Variants in GABRB1 observed in about 807,000 individuals in gnomAD.
GABRB1 encodes gamma-aminobutyric acid receptor subunit beta-1.
GABRB1 carries 17 observed loss-of-function variants against 51.6 expected under a neutral mutation model. The observed-to-expected ratio is 0.33, with a 90% confidence interval of 0.23 to 0.49. The LOEUF is 0.49. GABRB1 is among the 20% of genes least tolerant of loss of function. The pLI is 0.99. For synonymous variants in GABRB1, 247 were observed against 218.9 expected, an observed-to-expected ratio of 1.13 and a Z score of -1.14; for missense variants, 410 against 600.6, an observed-to-expected ratio of 0.68 and a Z score of 3.32.
At chr4:47,374,475 T>A (rs1378282550) in intron 5 of GABRB1, among the ~76,000 whole-genome samples, 2 of 152,242 alleles carry the variant, frequency 1.3e-5, no homozygotes, top group South Asian at 2.1e-4. Context: ...AAACTGTTCT[T>A]GGGCCCATGA....
chr4:47,317,380 G>T (rs1224045225), intron 4 of GABRB1, among the ~76,000 whole-genome samples: 3 of 152,000 alleles, frequency 2.0e-5, no homozygotes, highest in South Asian at 4.1e-4. Context: ...TGGTAAAAGA[G>T]TATAGCAGAC....
intron 4 of GABRB1, among the ~76,000 whole-genome samples, chr4:47,283,486 C>T (rs1723378246): frequency 1.4e-5 from 2 of 146,488 alleles, no homozygotes; most frequent in Non-Finnish European, 3.0e-5. Flanking sequence ...CCCAGGTTCA[C>T]CCCATTCTCC....
At position 47,403,705 on chromosome 4, in the gene GABRB1, G is replaced by A. The variant is rs1448346225; in HGVS notation, c.829G>A (p.Ala277Thr). ...INYDASAARV[A>T]LGITTVLTMT... ...CTATGATGCATCTGCAGCCAGAGTCGCACTAGGTAATACATTCTCAGCACT... is the reference window on the plus strand; with the variant it reads ...CTATGATGCATCTGCAGCCAGAGTCACACTAGGTAATACATTCTCAGCACT... The change falls in exon 7 of 9, where the codon GCA becomes ACA. Residue 277 changes from alanine (A) to threonine (T), a missense_variant. Physicochemically the swap from Ala to Thr is moderately conservative, Grantham distance 58 (BLOSUM62 0). Transcript: ENST00000295454. 5 of 1,612,038 alleles carry A rather than the reference G, an allele frequency of 3.1e-6. No homozygotes were observed. Among genetic ancestry groups the A allele is most frequent in the Non-Finnish European group, 4.2e-6 (5 of 1,179,814 alleles).
rs572095312 is a variant in GABRB1, at chr4:47,016,348, T to C, written c.-19-15566T>C. 2.0e-3 allele frequency among the ~76,000 whole-genome samples: 301 copies of C among 152,302 alleles called. 2 individuals are homozygous for C. Among genetic ancestry groups the C allele is most frequent in the Non-Finnish European group, 3.2e-3 (217 of 68,018 alleles). ...CTGAATAAAAAAGCCAATTCTATTA[T>C]CTTTTTCTTTCCTGTCATTAAGATT... On this transcript the variant is annotated intron_variant, in intron 1 of 3. Coordinates refer to the GABRB1 transcript ENST00000513567.
At chr4:47,112,428 G>C (rs1311769541) in intron 3 of GABRB1, among the ~76,000 whole-genome samples, 1 of 152,152 alleles carries the variant, frequency 6.6e-6, no homozygotes, top group East Asian at 1.9e-4. Context: ...CTACAATTGT[G>C]TTACTATATA....
intron 4 of GABRB1, among the ~76,000 whole-genome samples, chr4:47,277,334 G>C (rs1723121310): frequency 6.6e-6 from 1 of 152,088 alleles, no homozygotes; most frequent in African/African-American, 2.4e-5. Flanking sequence ...CATGGACATA[G>C]AGAGTGAAAG....
chr4:47,024,556 G>A (rs1725027304), intron 1 of GABRB1, among the ~76,000 whole-genome samples: 1 of 151,858 alleles, frequency 6.6e-6, no homozygotes, highest in Non-Finnish European at 1.5e-5. Context: ...CTCACAGAGA[G>A]GATAGTTTTA....
At chr4:47,223,337 G>T (rs959316948) in intron 4 of GABRB1, among the ~76,000 whole-genome samples, 1 of 151,902 alleles carries the variant, frequency 6.6e-6, no homozygotes, top group Non-Finnish European at 1.5e-5. Context: ...GAAAGATGTG[G>T]CAGTAAAAGA....
chr4:47,159,931 A>G (rs1717864196), intron 3 of GABRB1, among the ~76,000 whole-genome samples: 1 of 152,078 alleles, frequency 6.6e-6, no homozygotes. Context: ...TTGCCATATG[A>G]ATGTCTTAGA....
At chr4:47,149,833 A>T (rs1717347374) in intron 3 of GABRB1, among the ~76,000 whole-genome samples, 1 of 151,984 alleles carries the variant, frequency 6.6e-6, no homozygotes, top group Non-Finnish European at 1.5e-5. Context: ...ATGAAGTATA[A>T]AGTAGCCAAA....
chr4:47,368,962 G>A (rs1448575218), intron 5 of GABRB1, among the ~76,000 whole-genome samples: 3 of 151,998 alleles, frequency 2.0e-5, no homozygotes, highest in Non-Finnish European at 2.9e-5. Context: ...ACAAAAATTA[G>A]CTGAGCATGG....
Position 47,138,798 on chromosome 4 carries a change from T to A in GABRB1, c.241-22451T>A, listed in dbSNP as rs943967367. On this transcript the variant is annotated intron_variant, in intron 3 of 8. Coordinates refer to ENST00000295454, the MANE Select transcript of GABRB1 (RefSeq NM_000812.4). ...CCATTTGATACCTGGATTTAGATAA[T>A]CCTGAAATGCGAGACTTCTCTTGGC... Among the ~76,000 whole-genome samples, 4 of 152,076 alleles carry A rather than the reference T, an allele frequency of 2.6e-5. No homozygotes were observed. The East Asian group carries it at 7.7e-4, about 29-fold the overall frequency.
At chr4:47,256,730 T>A (rs930557340) in intron 4 of GABRB1, among the ~76,000 whole-genome samples, 2 of 151,940 alleles carry the variant, frequency 1.3e-5, no homozygotes, top group Non-Finnish European at 2.9e-5. Flanking sequence ...AACAATGAGA[T>A]CTTGTGACAA....
At chr4:47,417,553 A>G (rs886674720) in intron 8 of GABRB1, among the ~76,000 whole-genome samples, 1 of 152,030 alleles carries the variant, frequency 6.6e-6, no homozygotes, top group Non-Finnish European at 1.5e-5. Flanking sequence ...AGTACATTCT[A>G]TGAGAGAAAT....
intron 3 of GABRB1, among the ~76,000 whole-genome samples, chr4:47,152,010 C>A (rs2109718782): frequency 6.6e-6 from 1 of 152,094 alleles, no homozygotes. Context: ...TAATTCATTT[C>A]TAAAGAGTAA....
chr4:47,253,679 G>A (rs905073188), intron 4 of GABRB1, among the ~76,000 whole-genome samples: 4 of 152,020 alleles, frequency 2.6e-5, no homozygotes, highest in Non-Finnish European at 4.4e-5. Context: ...TTTTGTCCAC[G>A]AATGAAATTA....
chr4:47,106,883 G>A (rs1037988343), intron 3 of GABRB1, among the ~76,000 whole-genome samples: 1 of 152,054 alleles, frequency 6.6e-6, no homozygotes, highest in East Asian at 1.9e-4. Context: ...CTCCCTTCAT[G>A]GCCTAGCCCT....
At chr4:47,371,599 G>A (rs1170195936) in intron 5 of GABRB1, among the ~76,000 whole-genome samples, 1 of 152,112 alleles carries the variant, frequency 6.6e-6, no homozygotes, top group Non-Finnish European at 1.5e-5. Flanking sequence ...ACGAGCATCT[G>A]TTGTTTCTTG....
chr4:47,308,635 T>C (rs1724553955), intron 4 of GABRB1, among the ~76,000 whole-genome samples: 2 of 152,102 alleles, frequency 1.3e-5, no homozygotes, highest in African/African-American at 2.4e-5. Context: ...GGAAAGAGAA[T>C]CATGTGGCAA....
Sources: allele counts gnomAD v4.1 joint callset (sites outside exome capture counted in the v4.1 genomes callset), GRCh38; gene constraint gnomAD v4.1.1; transcripts MANE v1.5; gene names NCBI Gene and HGNC (gene_info 2026-07-23, HGNC 2026-07-21).